CSF1R: variants seen among roughly 807,000 people sequenced by gnomAD.
CSF1R encodes the protein colony stimulating factor 1 receptor.
A neutral mutation model predicts 110.0 loss-of-function variants in CSF1R; 40 were observed. The observed-to-expected ratio is 0.36, with a 90% CI of 0.28 to 0.47. CSF1R has a LOEUF of 0.47. CSF1R is among the 20% of genes least tolerant of loss of function. The pLI is 0.99. For synonymous variants in CSF1R, 523 were observed against 503.4 expected, an observed-to-expected ratio of 1.04 and a Z score of -0.52; for missense variants, 1,052 against 1,253.0, an observed-to-expected ratio of 0.84 and a Z score of 2.42.
At position 150,080,925 on chromosome 5, in the gene CSF1R, C is replaced by T; in HGVS notation, c.149G>A (p.Trp50Ter). The part of the protein sequence containing the change: ...LRCVGNGSVE[W>*]DGPPSPHWTL... The stretch of plus-strand genomic sequence containing the variant: ...CCAGTGAGGTGATGGGGGGCCATCC[C>T]ATTCCACGCTGCCATTGCCCACACA... Residue 50 changes from tryptophan to a stop codon, truncating the protein, a stop_gained, in exon 2 of 21, where the codon TGG becomes TAG. Coordinates refer to ENST00000675795, the MANE Select transcript of CSF1R (RefSeq NM_001288705.3). LOFTEE classifies it high-confidence loss of function. 6.2e-7 allele frequency: 1 copy of T among 1,614,190 alleles called. No homozygotes were observed. Among genetic ancestry groups the T allele is most frequent in the Non-Finnish European group, 8.5e-7 (1 of 1,180,036 alleles).
Position 150,073,543 on chromosome 5 carries a change from GTTTA to G in CSF1R, c.890-54_890-51del, listed in dbSNP as rs773319877. 1.9e-6 allele frequency: 3 copies of G among 1,573,416 alleles called. No homozygotes were observed. The East Asian group carries it at 6.8e-5, about 36-fold the overall frequency. ...CTGGCATTAGTGGGAAGATGTCCTT[GTTTA>G]TTTGTCCATTTTGTCATCCACCCAT... On this transcript the variant is annotated intron_variant, in intron 5 of 20. Transcript: ENST00000675795.
chr5:150,065,341 TC>T (rs1402457067), intron 10 of CSF1R, among the ~76,000 whole-genome samples: 4 of 152,194 alleles, frequency 2.6e-5, no homozygotes, highest in African/African-American at 4.8e-5. Flanking sequence ...TCGTAGTCTT[TC>T]CAGCAGCCTC....
Sources: gnomAD v4.1 joint callset for allele counts (sites outside exome capture counted in the v4.1 genomes callset) on GRCh38, gnomAD v4.1.1 for gene constraint, MANE v1.5 for transcripts, NCBI Gene and HGNC (gene_info 2026-07-23, HGNC 2026-07-21) for gene names.